The following HMGN5 variants were observed in gnomAD, a reference collection of about 807,000 sequenced individuals.
HMGN5 encodes high mobility group nucleosome-binding domain-containing protein 5.
HMGN5 carries 4 observed loss-of-function variants against 9.5 expected under a neutral mutation model. The ratio of observed to expected loss-of-function variants is 0.42; its 90% confidence interval spans 0.21 to 0.96. The LOEUF (loss-of-function observed/expected upper bound fraction) is 0.96. Ranked by LOEUF, HMGN5 falls within the 40% of genes least tolerant of loss-of-function variation. The probability of loss-of-function intolerance (pLI) is 0.30; values close to 1 mark genes in which losing one functional copy is unlikely to be tolerated. For missense variants in HMGN5, 192 were observed against 187.5 expected (o/e 1.02, Z -0.14); for synonymous variants, 55 against 57.1 (o/e 0.96, Z 0.16).
chrX:81,173,239 T>A (rs1476269510), intron 1 of HMGN5, among the ~76,000 whole-genome samples: 3 of 110,625 alleles, frequency 2.7e-5, no homozygotes, highest in African/African-American at 9.8e-5. Context: ...TATGAGAAGG[T>A]TTCAGGATAC....
intron 1 of HMGN5, among the ~76,000 whole-genome samples, chrX:81,182,449 A>G (rs2075465508): frequency 8.9e-6 from 1 of 111,786 alleles, no homozygotes; most frequent in Admixed American, 9.5e-5. Flanking sequence ...TGGCAGGTGA[A>G]TTGGTCATGG....
intron 1 of HMGN5, 79 bp from the exon 2 acceptor site, chrX:81,121,751 G>A (rs2075269508): frequency 2.9e-6 from 1 of 343,106 alleles, no homozygotes; most frequent in Non-Finnish European, 5.1e-6. Flanking sequence ...ATGGTTAACC[G>A]GAGTGGGAGC....
intron 1 of HMGN5, among the ~76,000 whole-genome samples, chrX:81,188,263 A>ATATTATTATTAT (rs558790724): frequency 0.027 from 2,354 of 86,937 alleles, 46 homozygotes; most frequent in East Asian, 0.042. Context: ...TGTGCACAGA[A>ATATTATTATTAT]TATTATTATT....
intron 1 of HMGN5, among the ~76,000 whole-genome samples, chrX:81,188,702 C>T (rs1306949460): frequency 9.1e-6 from 1 of 109,365 alleles, no homozygotes; most frequent in Non-Finnish European, 1.9e-5. Flanking sequence ...GTTCAATTCC[C>T]GCCTATGAGT....
chrX:81,159,977 C>G (rs1384995184), intron 1 of HMGN5, among the ~76,000 whole-genome samples: 2 of 111,818 alleles, frequency 1.8e-5, no homozygotes, highest in African/African-American at 6.5e-5. Flanking sequence ...AGTTTTTTAT[C>G]ATTCAAATAT....
intron 1 of HMGN5, among the ~76,000 whole-genome samples, chrX:81,179,953 A>G (rs2075456514): frequency 8.9e-6 from 1 of 111,941 alleles, no homozygotes; most frequent in African/African-American, 3.2e-5. Context: ...GAAATGGGGA[A>G]AGGATTCCCT....
intron 1 of HMGN5, among the ~76,000 whole-genome samples, chrX:81,150,985 C>T (rs1341975722): frequency 2.7e-5 from 3 of 111,632 alleles, no homozygotes; most frequent in African/African-American, 9.8e-5. Context: ...AAAAGTATCC[C>T]AGTAAAGAAA....
intron 1 of HMGN5, among the ~76,000 whole-genome samples, chrX:81,140,388 G>A (rs924389509): frequency 9.1e-6 from 1 of 109,530 alleles, no homozygotes; most frequent in Non-Finnish European, 1.9e-5. Context: ...GTGAAACCCC[G>A]TCTCTGCTAA....
chrX:81,121,062 A>G (rs2147538166), intron 2 of HMGN5, among the ~76,000 whole-genome samples: 1 of 108,582 alleles, frequency 9.2e-6, no homozygotes, highest in South Asian at 4.2e-4. Flanking sequence ...AGGAGGAGGG[A>G]AGGAAAAAAA....
At chrX:81,148,177 C>A (rs1263400895) in intron 1 of HMGN5, among the ~76,000 whole-genome samples, 1 of 111,976 alleles carries the variant, frequency 8.9e-6, no homozygotes, top group African/African-American at 3.3e-5. Context: ...ATAGCCAAGA[C>A]AATCCTAAGC....
chrX:81,116,874 C>A (rs1437898755), intron 5 of HMGN5, among the ~76,000 whole-genome samples: 3 of 111,035 alleles, frequency 2.7e-5, no homozygotes, highest in Non-Finnish European at 5.7e-5. Context: ...TTTGGAATGC[C>A]CTGATTCATG....
chrX:81,200,581 A>G (rs927003650), intron 1 of HMGN5, among the ~76,000 whole-genome samples: 1 of 111,714 alleles, frequency 9.0e-6, no homozygotes, highest in African/African-American at 3.3e-5. Flanking sequence ...GCTGGAAACC[A>G]TCATTCTAAG....
At chrX:81,147,211 C>T (rs1386925830) in intron 1 of HMGN5, among the ~76,000 whole-genome samples, 1 of 111,666 alleles carries the variant, frequency 9.0e-6, no homozygotes, top group Non-Finnish European at 1.9e-5. Context: ...AATTATAGGA[C>T]AGTACCCTTA....
At chrX:81,141,262 G>A (rs1406875144) in intron 1 of HMGN5, among the ~76,000 whole-genome samples, 2 of 111,804 alleles carry the variant, frequency 1.8e-5, no homozygotes, top group African/African-American at 3.3e-5. Context: ...AAGGACACAG[G>A]TCTGGCTGGC....
Position 81,114,770 on chromosome X carries a change from CCTTCAT to C in HMGN5, c.722_727del (p.Asp241_Glu242del), listed in dbSNP as rs2075247957. ...TTTTCCAGCTTCTTCCTCATTTCCA[CCTTCAT>C]CTTCTTTTCCATCTTCTCTCTCTTT... On this transcript the variant is annotated inframe_deletion, in exon 7 of 7. Transcript: ENST00000358130. 1.6e-5 allele frequency: 19 copies of C among 1,161,872 alleles called. No individual in the cohort carries two copies. Among genetic ancestry groups the C allele is most frequent in the Non-Finnish European group, 2.1e-5 (18 of 870,820 alleles).
intron 1 of HMGN5, among the ~76,000 whole-genome samples, chrX:81,193,681 T>C (rs1439545265): frequency 8.9e-6 from 1 of 112,396 alleles, no homozygotes; most frequent in Non-Finnish European, 1.9e-5. Flanking sequence ...GCTGCCATTT[T>C]TTATGGTTGA....
At chrX:81,177,057 C>G (rs1025497727) in intron 1 of HMGN5, among the ~76,000 whole-genome samples, 2 of 109,494 alleles carry the variant, frequency 1.8e-5, no homozygotes, top group African/African-American at 6.7e-5. Flanking sequence ...GTCGAGTTAC[C>G]CACAAAGGGA....
chrX:81,157,640 G>T (rs2075386670), intron 1 of HMGN5, among the ~76,000 whole-genome samples: 1 of 111,194 alleles, frequency 9.0e-6, no homozygotes, highest in African/African-American at 3.3e-5. Flanking sequence ...CATAGGTATG[G>T]CATAGGGACC....
intron 4 of HMGN5, 109 bp downstream of exon 4, chrX:81,118,621 T>C (rs932461746): frequency 2.3e-6 from 2 of 862,515 alleles, no homozygotes. Flanking sequence ...GGTGTGAAAG[T>C]TTTTCTTAAA....
Sources: allele counts gnomAD v4.1 joint callset (sites outside exome capture counted in the v4.1 genomes callset), GRCh38; gene constraint gnomAD v4.1.1; transcripts MANE v1.5; gene names NCBI Gene and HGNC (gene_info 2026-07-23, HGNC 2026-07-21).